GRM5: variants seen among roughly 807,000 people sequenced by gnomAD.
GRM5 encodes metabotropic glutamate receptor 5.
A neutral mutation model predicts 83.1 loss-of-function variants in GRM5; 19 were observed. The ratio of observed to expected loss-of-function variants is 0.23; its 90% confidence interval spans 0.16 to 0.34. The LOEUF (loss-of-function observed/expected upper bound fraction) is 0.34. Among genes scored for constraint, GRM5 ranks in the 10% least tolerant of loss-of-function variants. The probability of loss-of-function intolerance (pLI) is 1.00; values close to 1 mark genes in which losing one functional copy is unlikely to be tolerated. For synonymous variants in GRM5, 675 were observed against 633.6 expected, an observed-to-expected ratio of 1.07 and a Z score of -0.98; for missense variants, 1,160 against 1,588.3, an observed-to-expected ratio of 0.73 and a Z score of 4.58.
intron 2 of GRM5, among the ~76,000 whole-genome samples, chr11:88,853,020 G>A (rs1944413597): frequency 6.6e-6 from 1 of 152,086 alleles, no homozygotes; most frequent in Non-Finnish European, 1.5e-5. Context: ...AGGGAAACAA[G>A]TAACTGAGAA....
intron 3 of GRM5, among the ~76,000 whole-genome samples, chr11:88,756,593 A>G (rs1161505668): frequency 1.3e-5 from 2 of 152,190 alleles, no homozygotes; most frequent in Non-Finnish European, 2.9e-5. Context: ...ACAAAAAATT[A>G]TATAGCAACT....
intron 4 of GRM5, among the ~76,000 whole-genome samples, chr11:88,617,591 C>T (rs7128191): frequency 0.65 from 98,608 of 152,036 alleles, 33,151 homozygotes; most frequent in South Asian, 0.79. Context: ...TTTCTTCTAG[C>T]TAAGCCCCCA....
At chr11:89,002,311 C>G (rs1004488546) in intron 2 of GRM5, among the ~76,000 whole-genome samples, 1 of 152,014 alleles carries the variant, frequency 6.6e-6, no homozygotes, top group African/African-American at 2.4e-5. Context: ...AAGGAAAGAG[C>G]TAGTGGATAT....
chr11:88,560,325 TGG>T (rs1942726281), intron 8 of GRM5, among the ~76,000 whole-genome samples: 1 of 152,134 alleles, frequency 6.6e-6, no homozygotes, highest in South Asian at 2.1e-4. Flanking sequence ...CTTCTACCTT[TGG>T]GTCCTTCTGT....
intron 3 of GRM5, among the ~76,000 whole-genome samples, chr11:88,669,490 GA>G (rs946320851): frequency 1.3e-5 from 2 of 151,800 alleles, no homozygotes; most frequent in Admixed American, 1.3e-4. Flanking sequence ...GGAAAGAAAA[GA>G]AATAAAAAGG....
chr11:88,593,762 TTC>T (rs113152007), intron 6 of GRM5, among the ~76,000 whole-genome samples: 4,496 of 89,856 alleles, frequency 0.05, 251 homozygotes, highest in African/African-American at 0.12. Flanking sequence ...CCCTCCCTCC[TTC>T]TCTCTCTCTC....
chr11:88,511,067 C>G (rs1020915220), intron 9 of GRM5, among the ~76,000 whole-genome samples: 11 of 152,122 alleles, frequency 7.2e-5, no homozygotes, highest in Non-Finnish European at 7.4e-5. Context: ...AGATGTGACC[C>G]CAGGAGAGTC....
At chr11:88,958,434 T>A (rs1938690225) in intron 2 of GRM5, among the ~76,000 whole-genome samples, 1 of 151,826 alleles carries the variant, frequency 6.6e-6, no homozygotes, top group Non-Finnish European at 1.5e-5. Flanking sequence ...AAAAACAACT[T>A]GTTCAATAAA....
intron 9 of GRM5, among the ~76,000 whole-genome samples, chr11:88,521,180 G>T (rs1436006260): frequency 1.3e-5 from 2 of 152,116 alleles, no homozygotes; most frequent in African/African-American, 4.8e-5. Context: ...CTTTTTGGGA[G>T]GCCTAGGTGG....
At chr11:88,993,246 A>G (rs1370706111) in intron 2 of GRM5, among the ~76,000 whole-genome samples, 2 of 133,852 alleles carry the variant, frequency 1.5e-5, no homozygotes, top group African/African-American at 5.6e-5. Flanking sequence ...AGCCTGGAGG[A>G]CAGAGTGAGA....
intron 2 of GRM5, among the ~76,000 whole-genome samples, chr11:88,959,737 A>G (rs1353985773): frequency 1.3e-5 from 2 of 152,100 alleles, no homozygotes; most frequent in East Asian, 3.9e-4. Flanking sequence ...AGCCAGAGAC[A>G]CAGAGCTCTG....
At chr11:88,947,230 G>C (rs1257554670) in intron 2 of GRM5, among the ~76,000 whole-genome samples, 1 of 151,950 alleles carries the variant, frequency 6.6e-6, no homozygotes, top group Non-Finnish European at 1.5e-5. Flanking sequence ...CCTACCTCCT[G>C]CATTAATATT....
At chr11:88,705,361 A>G (rs1359022319) in intron 3 of GRM5, among the ~76,000 whole-genome samples, 1 of 152,066 alleles carries the variant, frequency 6.6e-6, no homozygotes, top group Non-Finnish European at 1.5e-5. Context: ...CAGGCTGCAG[A>G]ACCACTGGAC....
At chr11:88,862,848 A>T (rs1232380496) in intron 2 of GRM5, among the ~76,000 whole-genome samples, 1 of 152,014 alleles carries the variant, frequency 6.6e-6, no homozygotes, top group Non-Finnish European at 1.5e-5. Context: ...ATAGGGAAAA[A>T]TGTTTACAAT....
chr11:88,617,292 A>T (rs1938509992), intron 4 of GRM5, among the ~76,000 whole-genome samples: 1 of 152,190 alleles, frequency 6.6e-6, no homozygotes, highest in African/African-American at 2.4e-5. Context: ...TACAGCTAAA[A>T]ATCCTGGACA....
chr11:88,760,362 A>G (rs34066725), intron 3 of GRM5, among the ~76,000 whole-genome samples: 41,484 of 151,986 alleles, frequency 0.27, 6,842 homozygotes, highest in Non-Finnish European at 0.38. Context: ...TAAAATTAGA[A>G]ATGACAAAGG....
At chr11:88,957,334 A>T (rs1382564135) in intron 2 of GRM5, among the ~76,000 whole-genome samples, 1 of 152,228 alleles carries the variant, frequency 6.6e-6, no homozygotes, top group Non-Finnish European at 1.5e-5. Flanking sequence ...GATCTCATAA[A>T]CATTCAGAAG....
intron 2 of GRM5, among the ~76,000 whole-genome samples, chr11:89,016,510 G>T (rs2135100377): frequency 6.6e-6 from 1 of 152,150 alleles, no homozygotes; most frequent in Non-Finnish European, 1.5e-5. Context: ...TGTGGTGGTA[G>T]TATTTGCTAA....
intron 2 of GRM5, among the ~76,000 whole-genome samples, chr11:88,892,356 A>T (rs993784617): frequency 2.6e-5 from 4 of 151,920 alleles, no homozygotes; most frequent in Non-Finnish European, 4.4e-5. Flanking sequence ...TCAGTAAAGA[A>T]TGTCACTTTT....
Sources: allele counts gnomAD v4.1 joint callset (sites outside exome capture counted in the v4.1 genomes callset), GRCh38; gene constraint gnomAD v4.1.1; transcripts MANE v1.5; gene names NCBI Gene and HGNC (gene_info 2026-07-23, HGNC 2026-07-21).